The following EXOC6B variants were observed in gnomAD, a reference collection of about 807,000 sequenced individuals.
EXOC6B encodes the protein SEC15 homolog B.
EXOC6B carries 54 observed loss-of-function variants against 113.5 expected under a neutral mutation model. The observed-to-expected ratio is 0.48, with a 90% confidence interval of 0.38 to 0.60. The LOEUF (loss-of-function observed/expected upper bound fraction) is 0.60. EXOC6B is among the 20% of genes least tolerant of loss of function. EXOC6B has a pLI of 0.00. For missense variants in EXOC6B, 797 were observed against 977.5 expected, an observed-to-expected ratio of 0.82 and a Z score of 2.46; for synonymous variants, 357 against 339.0, an observed-to-expected ratio of 1.05 and a Z score of -0.58.
In EXOC6B at chr2:72,695,280, G is replaced by T. The variant is rs572719937; in HGVS notation, c.669+22823C>A. The stretch of plus-strand genomic sequence containing the variant: ...GTAGTAAACTTAGTAAAAGCACAAA[G>T]CTCCTGCAGTACAATAGGACAACCA... On this transcript the variant is annotated intron_variant, in intron 6 of 21. Transcript: ENST00000272427. Among the ~76,000 whole-genome samples, 3 of 152,230 alleles carry T rather than the reference G, an allele frequency of 2.0e-5. No individual in the cohort carries two copies. The East Asian group carries it at 5.8e-4, about 29-fold the overall frequency.
At chr2:72,283,009 A>C (rs556653182) in intron 20 of EXOC6B, among the ~76,000 whole-genome samples, 22 of 152,304 alleles carry the variant, frequency 1.4e-4, no homozygotes, top group African/African-American at 5.0e-4. Flanking sequence ...ACAAAACTAA[A>C]AAATCATTAG....
chr2:72,514,571 A>C lies in EXOC6B; in HGVS notation c.1046+63T>G, dbSNP rs139152254. The C allele has an allele frequency of 2.5e-3, 715 of 283,898 alleles. 8 individuals are homozygous for C. Among genetic ancestry groups the C allele is most frequent in the African/African-American group, 0.016 (641 of 40,946 alleles). 17.6% of individuals were successfully genotyped at this position (283,898 alleles called of 1,614,324 possible). On this transcript the variant is annotated intron_variant, in intron 10 of 21. Coordinates refer to ENST00000272427, the MANE Select transcript of EXOC6B (RefSeq NM_015189.3). ...CAACTCTATGTATGGAAAGAGTATA[A>C]ATTTCAATAAATAAATAAATAAATA...
In EXOC6B at chr2:72,189,432, G is replaced by A. The variant is rs571505597; in HGVS notation, c.2197-5245C>T. Reference sequence around the variant, plus strand: ...AAATGCTCATTTTTCCCTCATTGGTGATATTAATTTTGATCACCTGATTAA... The same window carrying A: ...AAATGCTCATTTTTCCCTCATTGGTAATATTAATTTTGATCACCTGATTAA... On this transcript the variant is annotated intron_variant, in intron 20 of 21. Coordinates refer to ENST00000272427, the MANE Select transcript of EXOC6B (RefSeq NM_015189.3). Among the ~76,000 whole-genome samples the A allele has an allele frequency of 1.2e-4, 19 of 152,228 alleles. No homozygotes were observed. In the South Asian group the frequency reaches 2.7e-3, roughly 22 times the overall value.
chr2:72,353,121 G>A (rs1476529646), intron 19 of EXOC6B, among the ~76,000 whole-genome samples: 5 of 152,256 alleles, frequency 3.3e-5, no homozygotes, highest in African/African-American at 7.2e-5. Context: ...AGGGGCACCC[G>A]TGCTAAATAA....
At chr2:72,806,335 C>T (rs779493723) in intron 1 of EXOC6B, among the ~76,000 whole-genome samples, 24 of 152,192 alleles carry the variant, frequency 1.6e-4, no homozygotes, top group Non-Finnish European at 2.6e-4. Flanking sequence ...CAGCTGCATC[C>T]ATGCTGCTGC....
At chr2:72,531,274 T>C (rs572216675) in intron 8 of EXOC6B, among the ~76,000 whole-genome samples, 2 of 152,316 alleles carry the variant, frequency 1.3e-5, no homozygotes, top group Admixed American at 6.5e-5. Context: ...TTACATTATA[T>C]AGACATAATT....
intron 8 of EXOC6B, among the ~76,000 whole-genome samples, chr2:72,527,460 C>A (rs1701798875): frequency 6.6e-6 from 1 of 151,948 alleles, no homozygotes; most frequent in Admixed American, 6.6e-5. Flanking sequence ...TAAAGAACAT[C>A]TAGGTTGTTT....
intron 18 of EXOC6B, among the ~76,000 whole-genome samples, chr2:72,402,123 T>A (rs1346895841): frequency 2.0e-5 from 3 of 152,114 alleles, no homozygotes; most frequent in African/African-American, 7.2e-5. Flanking sequence ...TGAAACCATC[T>A]AGTCTTGGAC....
intron 8 of EXOC6B, among the ~76,000 whole-genome samples, chr2:72,541,968 C>A (rs895871887): frequency 1.3e-5 from 2 of 152,172 alleles, no homozygotes; most frequent in African/African-American, 4.8e-5. Context: ...GCCACCACAC[C>A]CAGCTGACCT....
Position 72,372,863 on chromosome 2 carries a change from G to C in EXOC6B, c.2122+6866C>G, listed in dbSNP as rs554619042. Among the ~76,000 whole-genome samples, 9 of 151,808 alleles carry C rather than the reference G, an allele frequency of 5.9e-5. No homozygotes were observed. The South Asian group carries it at 1.7e-3, about 28-fold the overall frequency. ...TGTCTCAAAAAAGGAACACACACTG[G>C]GAAAAAGACAGTCTCTTCAATAAAT... On this transcript the variant is annotated intron_variant, in intron 19 of 21. Transcript: ENST00000272427.
chr2:72,387,519 A>G (rs1454631498), intron 18 of EXOC6B, among the ~76,000 whole-genome samples: 1 of 152,054 alleles, frequency 6.6e-6, no homozygotes, highest in African/African-American at 2.4e-5. Flanking sequence ...AAATAAGCCT[A>G]TTTGGGTTTT....
intron 1 of EXOC6B, among the ~76,000 whole-genome samples, chr2:72,767,831 A>AAACAAAAAAAAAAAAAAT: frequency 7.0e-6 from 1 of 142,856 alleles, no homozygotes; most frequent in Non-Finnish European, 1.5e-5. Flanking sequence ...AAAAAAAAAA[A>AAACAAAAAAAAAAAAAAT]AAGACCAAGT....
At chr2:72,470,929 A>C (rs1252869418) in intron 17 of EXOC6B, among the ~76,000 whole-genome samples, 4 of 152,164 alleles carry the variant, frequency 2.6e-5, no homozygotes, top group Admixed American at 2.6e-4. Flanking sequence ...ATAAACATAC[A>C]TGGGCGTGTA....
chr2:72,705,882 A>C (rs1407678040), intron 6 of EXOC6B, among the ~76,000 whole-genome samples: 1 of 152,244 alleles, frequency 6.6e-6, no homozygotes, highest in East Asian at 1.9e-4. Flanking sequence ...CCTCATTCCC[A>C]ATCACTGAGT....
intron 1 of EXOC6B, among the ~76,000 whole-genome samples, chr2:72,814,798 T>C (rs896332116): frequency 3.3e-5 from 5 of 151,820 alleles, no homozygotes; most frequent in African/African-American, 1.2e-4. Flanking sequence ...AAGACCACCC[T>C]GGCTAACACG....
At chr2:72,180,744 AGAG>A (rs1353614483) in intron 21 of EXOC6B, among the ~76,000 whole-genome samples, 6 of 152,224 alleles carry the variant, frequency 3.9e-5, no homozygotes, top group Non-Finnish European at 8.8e-5. Context: ...GGAGCAGATT[AGAG>A]GCCAGTGAGT....
intron 20 of EXOC6B, among the ~76,000 whole-genome samples, chr2:72,258,703 A>G (rs1683512629): frequency 6.6e-6 from 1 of 152,054 alleles, no homozygotes; most frequent in African/African-American, 2.4e-5. Flanking sequence ...AAATGAGTGA[A>G]TAATTATAAT....
chr2:72,498,588 G>A (rs752551903), intron 12 of EXOC6B, 37 bp from the exon 13 acceptor site: 516 of 1,389,378 alleles, frequency 3.7e-4, no homozygotes, highest in Non-Finnish European at 4.7e-4. Context: ...AGTGTCTAAG[G>A]AAGGAGTTTT....
intron 18 of EXOC6B, among the ~76,000 whole-genome samples, chr2:72,413,121 G>A (rs1694290359): frequency 6.6e-6 from 1 of 151,866 alleles, no homozygotes; most frequent in South Asian, 2.1e-4. Context: ...ACCACGCCCG[G>A]CGAAGTTTTT....
Sources: allele counts gnomAD v4.1 joint callset (sites outside exome capture counted in the v4.1 genomes callset), GRCh38; gene constraint gnomAD v4.1.1; transcripts MANE v1.5; gene names NCBI Gene and HGNC (gene_info 2026-07-23, HGNC 2026-07-21).